The following RAD51AP2 variants were observed in gnomAD, a reference collection of about 807,000 sequenced individuals.
RAD51AP2 encodes RAD51 associated protein 2, also known as RAD51-associated protein 2.
A neutral mutation model predicts 85.5 loss-of-function variants in RAD51AP2; 67 were observed. That is an observed-to-expected ratio of 0.78 (90% CI 0.64 to 0.96). The LOEUF is 0.96. RAD51AP2 is among the 40% of genes least tolerant of loss of function. The pLI is 0.00. For missense variants in RAD51AP2, 1,307 were observed against 1,332.4 expected (o/e 0.98, Z 0.30); for synonymous variants, 474 against 446.5 (o/e 1.06, Z -0.78).
At chr2:17,529,023 C>G in the RAD51AP2 span, among the ~76,000 whole-genome samples, 1 of 152,104 alleles carries the variant, frequency 6.6e-6, no homozygotes, top group Non-Finnish European at 1.5e-5. Context: ...TCATACAAAT[C>G]TAGAAATTCC....
the RAD51AP2 span, among the ~76,000 whole-genome samples, chr2:17,536,354 G>T: frequency 6.6e-6 from 1 of 152,152 alleles, no homozygotes; most frequent in African/African-American, 2.4e-5. Flanking sequence ...AGTCATGAAT[G>T]AAAAGAAACA....
chr2:17,535,188 C>T, the RAD51AP2 span, among the ~76,000 whole-genome samples: 2 of 152,082 alleles, frequency 1.3e-5, no homozygotes, highest in Non-Finnish European at 2.9e-5. Flanking sequence ...TAATAAGACC[C>T]TTAAAGGCAA....
chr2:17,530,584 CAAAAAAAAAAAAA>C, the RAD51AP2 span, among the ~76,000 whole-genome samples: 63 of 80,242 alleles, frequency 7.9e-4, 1 homozygote, highest in East Asian at 3.6e-3. Context: ...GGCCCTGTCT[CAAAAAAAAAAAAA>C]AAAAAAAAAA....
At chr2:17,531,744 T>A in the RAD51AP2 span, among the ~76,000 whole-genome samples, 1 of 152,330 alleles carries the variant, frequency 6.6e-6, no homozygotes, top group Non-Finnish European at 1.5e-5. Context: ...TTATTTTAAA[T>A]AAAACTAAAA....
At chr2:17,535,443 T>C in the RAD51AP2 span, among the ~76,000 whole-genome samples, 1 of 152,280 alleles carries the variant, frequency 6.6e-6, no homozygotes, top group Non-Finnish European at 1.5e-5. Context: ...TTCAAGGAAG[T>C]GACGCGATTT....
intron 1 of RAD51AP2, among the ~76,000 whole-genome samples, chr2:17,514,526 C>A (rs1662587556): frequency 9.1e-6 from 1 of 110,316 alleles, no homozygotes; most frequent in South Asian, 2.7e-4. Flanking sequence ...TTTTGGGAGG[C>A]CGAGGGCGGC....
intron 1 of RAD51AP2, among the ~76,000 whole-genome samples, chr2:17,514,821 C>T (rs544919578): frequency 4.5e-4 from 68 of 151,708 alleles, no homozygotes; most frequent in South Asian, 2.3e-3. Flanking sequence ...GCAAATGTGT[C>T]GAGAGCAAAG....
At chr2:17,518,466 TA>T (rs771189969), upstream of RAD51AP2, 6 of 1,566,928 alleles carry the variant, frequency 3.8e-6, no homozygotes, top group Middle Eastern at 4.8e-4. Flanking sequence ...TCCAATCCCT[TA>T]ATAGGCGGTT....
At chr2:17,518,533 A>T, upstream of RAD51AP2, 2 of 1,349,342 alleles carry the variant, frequency 1.5e-6, no homozygotes, top group South Asian at 1.4e-5. Context: ...CCTTAGCCTA[A>T]TCTCAGGGTT....
chr2:17,515,436 T>A lies in RAD51AP2; in HGVS notation c.2980A>T (p.Asn994Tyr), dbSNP rs1332685872. Residue 994 changes from asparagine to tyrosine, a missense_variant, in exon 1 of 3, where the codon AAC (asparagine) becomes TAC (tyrosine). Coordinates refer to ENST00000399080, the MANE Select transcript of RAD51AP2 (RefSeq NM_001099218.3). ...CCAAAGTAATTTTCTTGCCCATTGT[T>A]TGTTTCCACAGTGCTTAGAAGTTCA... ...ENELLSTVET[N>Y]NGQENYFGEN... 1.2e-6 allele frequency: 2 copies of A among 1,613,256 alleles called. No individual in the cohort carries two copies. Among genetic ancestry groups the A allele is most frequent in the Non-Finnish European group, 1.7e-6 (2 of 1,179,826 alleles).
At position 17,515,481 on chromosome 2, in the gene RAD51AP2, GA is replaced by G. The variant is rs1397715945; in HGVS notation, c.2934del (p.His979MetfsTer10). 6.2e-7 allele frequency: 1 copy of G among 1,613,154 alleles called. No homozygotes were observed. The highest frequency in any genetic ancestry group is 1.3e-5 in the African/African-American group (1 of 74,812). The part of the protein sequence containing the change: ...FDLVLEELRM[F>X]HEISRENELL... ...AGTTCATTTTCCCTACTAATTTCAT[GA>G]AACATACGAAGTTCTTCAAGTACTA... On this transcript the variant is annotated frameshift_variant, in exon 1 of 3. Coordinates refer to ENST00000399080, the MANE Select transcript of RAD51AP2 (RefSeq NM_001099218.3). LOFTEE classifies it high-confidence loss of function.
Position 17,516,676 on chromosome 2 carries a change from C to A in RAD51AP2, c.1740G>T (p.Leu580Phe). The change falls in exon 1 of 3, where the codon TTG (leucine) becomes TTT (phenylalanine). Residue 580 changes from leucine (L) to phenylalanine (F), a missense_variant. Leu to Phe is a conservative substitution (Grantham distance 22, BLOSUM62 0). This residue lies in a region of RAD51AP2 where 668 missense variants were observed against 671.0 expected (regional missense o/e 1.00). Coordinates refer to ENST00000399080, the MANE Select transcript of RAD51AP2 (RefSeq NM_001099218.3). ...DSVSEPLDIL[L>F]KTNIAFLLNN... Reference sequence around the variant, plus strand: ...TGAGCAAAAAAGCTATGTTAGTTTTCAATAGAATATCTAAAGGTTCTGAAA... The same window carrying A: ...TGAGCAAAAAAGCTATGTTAGTTTTAAATAGAATATCTAAAGGTTCTGAAA... 1 of 1,568,784 alleles carries A rather than the reference C, an allele frequency of 6.4e-7. No homozygotes were observed.
Position 17,515,168 on chromosome 2 carries a change from C to G in RAD51AP2, c.3247+1G>C. On this transcript the variant is annotated splice_donor_variant, in intron 1 of 2. Transcript: ENST00000399080. LOFTEE classifies it high-confidence loss of function. ...ATAATGTTCTAAAATGAATTTCATA[C>G]CTTTCTCAGAAGTAGAGTAAAGTAA... 1 of 1,552,770 alleles carries G rather than the reference C, an allele frequency of 6.4e-7. No individual in the cohort carries two copies. The highest frequency in any genetic ancestry group is 8.7e-7 in the Non-Finnish European group (1 of 1,155,728).
At position 17,516,840 on chromosome 2, in the gene RAD51AP2, C is replaced by T. The variant is rs759088226; in HGVS notation, c.1576G>A (p.Asp526Asn). The change falls in exon 1 of 3, where the codon GAT (aspartate) becomes AAT (asparagine). Residue 526 changes from aspartate (D) to asparagine (N), a missense_variant. Around this residue, in one of 3 missense-constraint regions of RAD51AP2, gnomAD observed 635 missense variants for 643.6 expected, o/e 0.99. Coordinates refer to ENST00000399080, the MANE Select transcript of RAD51AP2 (RefSeq NM_001099218.3). ...FHKSISGNKK[D>N]NSILTCCNIL... ...TTACAGCAGGTTAAAATACTATTAT[C>T]TTTTTTATTTCCTGAAATACTTTTA... 27 of 1,545,538 alleles carry T rather than the reference C, an allele frequency of 1.7e-5. No individual in the cohort carries two copies. Among genetic ancestry groups the T allele is most frequent in the Non-Finnish European group, 2.3e-5 (26 of 1,146,568 alleles).
rs996842462 is a variant in RAD51AP2, at chr2:17,517,569, T to C, written c.847A>G (p.Asn283Asp). Residue 283 changes from asparagine (N) to aspartate (D), a missense_variant, in exon 1 of 3, where the codon AAT becomes GAT. Asn to Asp is a conservative substitution (Grantham distance 23, BLOSUM62 1). Around this residue, in one of 3 missense-constraint regions of RAD51AP2, gnomAD observed 635 missense variants for 643.6 expected, o/e 0.99. Transcript: ENST00000399080. ...VYLKEIAKKKNDKKEAYVRDF... is the reference protein window; with the variant it reads ...VYLKEIAKKKDDKKEAYVRDF... ...CTAACATATGCCTCTTTTTTGTCATTCTTTTTCTTCGCTATTTCCTTTAAA... is the reference window on the plus strand; with the variant it reads ...CTAACATATGCCTCTTTTTTGTCATCCTTTTTCTTCGCTATTTCCTTTAAA... The C allele has an allele frequency of 2.5e-6, 4 of 1,613,790 alleles. No homozygotes were observed. Among genetic ancestry groups the C allele is most frequent in the Non-Finnish European group, 3.4e-6 (4 of 1,179,960 alleles).
the RAD51AP2 span, among the ~76,000 whole-genome samples, chr2:17,531,484 C>T: frequency 6.6e-6 from 1 of 152,112 alleles, no homozygotes; most frequent in Non-Finnish European, 1.5e-5. Context: ...GTGCTGTGAA[C>T]CTAAACCTGC....
intron 2 of RAD51AP2, among the ~76,000 whole-genome samples, chr2:17,513,095 C>T (rs938172811): frequency 6.6e-6 from 1 of 152,050 alleles, no homozygotes; most frequent in African/African-American, 2.4e-5. Context: ...TTGCCTAGTT[C>T]CATAATTTCA....
Position 17,517,054 on chromosome 2 carries a change from T to G in RAD51AP2, c.1362A>C (p.Ala454=), listed in dbSNP as rs757570046. The change falls in exon 1 of 3, where the codon GCA becomes GCC. Residue 454 remains alanine (A), a synonymous_variant. Transcript: ENST00000399080. ...EDYHCAKVIN[A]YEEQSKLLVR... ...CGAGAAGCTTTGATTGTTCTTCATATGCATTGATGACTTTTGCACAGTGGT... is the reference window on the plus strand; with the variant it reads ...CGAGAAGCTTTGATTGTTCTTCATAGGCATTGATGACTTTTGCACAGTGGT... The G allele has an allele frequency of 3.7e-6, 6 of 1,611,624 alleles. No individual in the cohort carries two copies. The highest frequency in any genetic ancestry group is 3.4e-5 in the Admixed American group (2 of 59,664).
intron 2 of RAD51AP2, among the ~76,000 whole-genome samples, chr2:17,513,560 A>G (rs1367994851): frequency 6.6e-6 from 1 of 152,092 alleles, no homozygotes; most frequent in Non-Finnish European, 1.5e-5. Context: ...AATGTAATCG[A>G]AAGTATAAAC....
Sources: allele counts gnomAD v4.1 joint callset (sites outside exome capture counted in the v4.1 genomes callset), GRCh38; gene constraint gnomAD v4.1.1; regional missense constraint gnomAD v4.1.1; transcripts MANE v1.5; gene names NCBI Gene and HGNC (gene_info 2026-07-23, HGNC 2026-07-21).